The following ITPR1 variants were observed in gnomAD, a reference collection of about 807,000 sequenced individuals.
The protein encoded by ITPR1 is inositol 1,4,5-trisphosphate receptor type 1.
A neutral mutation model predicts 318.4 loss-of-function variants in ITPR1; 96 were observed. The observed-to-expected ratio is 0.30, with a 90% confidence interval of 0.26 to 0.36. The LOEUF is 0.36. ITPR1 is among the 10% of genes least tolerant of loss of function. The probability of loss-of-function intolerance (pLI) is 1.00; values close to 1 mark genes in which losing one functional copy is unlikely to be tolerated. For missense variants in ITPR1, 2,440 were observed against 3,460.2 expected (o/e 0.71, Z 7.40); for synonymous variants, 1,312 against 1,289.9 (o/e 1.02, Z -0.37).
chr3:4,666,699 T>C (rs951641994), intron 17 of ITPR1, among the ~76,000 whole-genome samples: 6 of 152,202 alleles, frequency 3.9e-5, no homozygotes, highest in Admixed American at 1.3e-4. Context: ...CACTTGAATT[T>C]TGAGCAAGCA....
At chr3:4,791,308 C>T (rs2047538249) in intron 52 of ITPR1, among the ~76,000 whole-genome samples, 1 of 152,190 alleles carries the variant, frequency 6.6e-6, no homozygotes, top group South Asian at 2.1e-4. Context: ...TTTAGGGCAG[C>T]AGAGACTGGT....
At chr3:4,555,147 A>G (rs1161906016) in intron 4 of ITPR1, among the ~76,000 whole-genome samples, 1 of 152,196 alleles carries the variant, frequency 6.6e-6, no homozygotes, top group African/African-American at 2.4e-5. Context: ...AAGCACCAGA[A>G]TCCCATAATC....
Position 4,661,044 on chromosome 3 carries a change from A to C in ITPR1, c.1208A>C (p.Asn403Thr). 6.2e-7 allele frequency: 1 copy of C among 1,611,346 alleles called. No individual in the cohort carries two copies. Among genetic ancestry groups the C allele is most frequent in the Non-Finnish European group, 8.5e-7 (1 of 1,177,574 alleles). ...ACTAATACCTGGGTTCACAGCACAA[A>C]TATTCCTATTGACAAGGAAGAAGAA... is the stretch of plus-strand genomic sequence containing the variant. ...LCTNTWVHST[N>T]IPIDKEEEKP... is the part of the protein sequence containing the mutation. The change falls in exon 14 of 62, where the codon AAT becomes ACT. Residue 403 changes from asparagine (N) to threonine (T), a missense_variant. Physicochemically the swap from Asn to Thr is moderately conservative, Grantham distance 65. Transcript: ENST00000649015.
chr3:4,757,426 T>G lies in ITPR1; in HGVS notation c.5545-9104T>G, dbSNP rs187579469. Among the ~76,000 whole-genome samples the G allele has an allele frequency of 1.1e-4, 17 of 152,272 alleles. No homozygotes were observed. The East Asian group carries it at 3.1e-3, about 28-fold the overall frequency. ...TGTACCTTCTGCCACTATTCTTTAC[T>G]GTGAGAGGAGCCTGTTTATGCCTCT... is the stretch of plus-strand genomic sequence containing the variant. On this transcript the variant is annotated intron_variant, in intron 44 of 61. Transcript: ENST00000649015.
chr3:4,554,186 C>T (rs1052937927), intron 4 of ITPR1, among the ~76,000 whole-genome samples: 4 of 152,186 alleles, frequency 2.6e-5, no homozygotes, highest in African/African-American at 9.7e-5. Context: ...GTATCTTGCC[C>T]AAGGTAACAG....
intron 33 of ITPR1, among the ~76,000 whole-genome samples, chr3:4,695,098 G>T (rs574215504): frequency 6.6e-6 from 1 of 152,246 alleles, no homozygotes; most frequent in South Asian, 2.1e-4. Flanking sequence ...AAATGCCATT[G>T]TATAGATGTA....
At chr3:4,628,556 A>G (rs113721182) in intron 5 of ITPR1, among the ~76,000 whole-genome samples, 19 of 152,242 alleles carry the variant, frequency 1.2e-4, no homozygotes, top group African/African-American at 4.6e-4. Flanking sequence ...TTAAAAGGAG[A>G]CATGACGTAT....
intron 2 of ITPR1, among the ~76,000 whole-genome samples, chr3:4,495,808 C>T (rs2080513509): frequency 6.6e-6 from 1 of 152,198 alleles, no homozygotes; most frequent in African/African-American, 2.4e-5. Context: ...TGAGGCTGTA[C>T]TGCATCCCAC....
At chr3:4,509,229 G>A (rs959944221) in intron 2 of ITPR1, among the ~76,000 whole-genome samples, 2 of 152,190 alleles carry the variant, frequency 1.3e-5, no homozygotes, top group Admixed American at 6.5e-5. Context: ...AGGACACACA[G>A]CTGGTAATTT....
At chr3:4,552,968 C>G (rs2085720976) in intron 4 of ITPR1, among the ~76,000 whole-genome samples, 1 of 152,224 alleles carries the variant, frequency 6.6e-6, no homozygotes, top group South Asian at 2.1e-4. Flanking sequence ...CCTAACTCCG[C>G]TGCTAGATTG....
chr3:4,530,186 T>C (rs766182638), intron 4 of ITPR1, among the ~76,000 whole-genome samples: 32 of 152,218 alleles, frequency 2.1e-4, no homozygotes, highest in South Asian at 4.1e-4. Context: ...ATCTTGAGTA[T>C]AGTATTTATC....
intron 10 of ITPR1, 135 bp from the exon 11 acceptor site, chr3:4,651,988 G>A: frequency 1.4e-6 from 1 of 707,500 alleles, no homozygotes; most frequent in Non-Finnish European, 2.5e-6. Flanking sequence ...ACTGGCAATG[G>A]GTTTGTTGAA....
chr3:4,693,158 G>T (rs2094505624), intron 32 of ITPR1, among the ~76,000 whole-genome samples: 1 of 152,156 alleles, frequency 6.6e-6, no homozygotes, highest in Admixed American at 6.5e-5. Context: ...CATTTAAAAA[G>T]AAATATCATA....
chr3:4,680,962 G>A (rs1020373866), intron 25 of ITPR1, among the ~76,000 whole-genome samples: 9 of 152,050 alleles, frequency 5.9e-5, no homozygotes, highest in Admixed American at 2.0e-4. Flanking sequence ...CACCTCCCCC[G>A]CAAAAATACC....
chr3:4,538,051 A>G (rs1266072486), intron 4 of ITPR1, among the ~76,000 whole-genome samples: 3 of 152,054 alleles, frequency 2.0e-5, no homozygotes, highest in Non-Finnish European at 2.9e-5. Flanking sequence ...TATTTTCTTC[A>G]TTCTCTTTCT....
At chr3:4,611,025 TCCTCCCTCCCTCCCTCCCTC>T (rs76587161) in intron 4 of ITPR1, among the ~76,000 whole-genome samples, 1 of 14,730 alleles carries the variant, frequency 6.8e-5, no homozygotes, top group African/African-American at 2.3e-4. Flanking sequence ...CCCTTCCCCT[TCCTCCCTCCCTCCCTCCCTC>T]CCTCCCTCCC....
intron 12 of ITPR1, among the ~76,000 whole-genome samples, chr3:4,655,861 C>T (rs191889287): frequency 1.6e-3 from 247 of 152,296 alleles, no homozygotes; most frequent in African/African-American, 5.1e-3. Context: ...GACGCCCACA[C>T]GGCCAACAGC....
intron 15 of ITPR1, among the ~76,000 whole-genome samples, chr3:4,662,708 G>A (rs1261484579): frequency 6.6e-6 from 1 of 152,176 alleles, no homozygotes; most frequent in Non-Finnish European, 1.5e-5. Context: ...GGGTGACAAA[G>A]TGAGACTCCA....
At chr3:4,684,822 C>T (rs373054094) in intron 29 of ITPR1, among the ~76,000 whole-genome samples, 19 of 152,166 alleles carry the variant, frequency 1.2e-4, no homozygotes, top group Admixed American at 3.3e-4. Context: ...CCATTTTAAG[C>T]GATATCTCTG....
Sources: gnomAD v4.1 joint callset for allele counts (sites outside exome capture counted in the v4.1 genomes callset) on GRCh38, gnomAD v4.1.1 for gene constraint, MANE v1.5 for transcripts, NCBI Gene and HGNC (gene_info 2026-07-23, HGNC 2026-07-21) for gene names.